The following FAM185A variants were observed in gnomAD, a reference collection of about 807,000 sequenced individuals.
FAM185A encodes the protein protein FAM185A.
In FAM185A, 21 loss-of-function variants were observed where a neutral mutation model predicts 45.7. The ratio of observed to expected loss-of-function variants is 0.46; its 90% CI spans 0.33 to 0.66. The LOEUF is 0.66. Among genes scored for constraint, FAM185A ranks in the 30% least tolerant of loss-of-function variants. FAM185A has a pLI of 0.03. For synonymous variants in FAM185A, 117 were observed against 194.0 expected (o/e 0.60, Z 3.30); for missense variants, 305 against 485.4 (o/e 0.63, Z 3.49).
Position 102,764,749 on chromosome 7 carries a change from G to A in FAM185A, c.793+3338G>A, listed in dbSNP as rs553740962. On this transcript the variant is annotated intron_variant, in intron 4 of 7. Coordinates refer to ENST00000413034, the MANE Select transcript of FAM185A (RefSeq NM_001145268.2). Reference sequence around the variant, plus strand: ...CAGAAAACAAACTGAGAATATATGCGTTCTTGGTCAGGATTTATTTACTTT... The same window carrying A: ...CAGAAAACAAACTGAGAATATATGCATTCTTGGTCAGGATTTATTTACTTT... Among the ~76,000 whole-genome samples the A allele has an allele frequency of 6.0e-4, 90 of 150,638 alleles. No homozygotes were observed. The South Asian group carries it at 0.017, about 29-fold the overall frequency.
Position 102,787,841 on chromosome 7 carries a change from T to A in FAM185A, c.1066+372T>A, listed in dbSNP as rs1489454336. Reference sequence around the variant, plus strand: ...ATCGGAATTTTGTTTGGTATGTACATTTTAAACTTGCTCTTTCAGAACAAC... The same window carrying A: ...ATCGGAATTTTGTTTGGTATGTACAATTTAAACTTGCTCTTTCAGAACAAC... On this transcript the variant is annotated intron_variant, in intron 7 of 7. Coordinates refer to ENST00000413034, the MANE Select transcript of FAM185A (RefSeq NM_001145268.2). 2.6e-5 allele frequency among the ~76,000 whole-genome samples: 4 copies of A among 152,238 alleles called. No individual in the cohort carries two copies. In the East Asian group the frequency reaches 5.8e-4, roughly 22 times the overall value.
the FAM185A span, among the ~76,000 whole-genome samples, chr7:102,848,218 T>C: frequency 6.6e-6 from 1 of 152,170 alleles, no homozygotes; most frequent in Non-Finnish European, 1.5e-5. Flanking sequence ...TTAGAAATTT[T>C]TGTCTAGCTG....
chr7:102,818,329 C>G, the FAM185A span, among the ~76,000 whole-genome samples: 1 of 152,192 alleles, frequency 6.6e-6, no homozygotes, highest in East Asian at 1.9e-4. Flanking sequence ...AAGTATGGCT[C>G]TCCTTATTTG....
At chr7:102,758,514 C>T (rs75206421) in intron 3 of FAM185A, among the ~76,000 whole-genome samples, 1 of 129,804 alleles carries the variant, frequency 7.7e-6, no homozygotes, top group Non-Finnish European at 1.6e-5. Flanking sequence ...ATTTTTTAAT[C>T]AACTCCTTTT....
chr7:102,826,999 C>T, the FAM185A span: 3 of 354,940 alleles, frequency 8.5e-6, no homozygotes, highest in South Asian at 4.0e-5. Context: ...TAAAAATGGC[C>T]ACAAATGCTT....
the FAM185A span, among the ~76,000 whole-genome samples, chr7:102,842,022 C>G: frequency 6.6e-6 from 1 of 152,162 alleles, no homozygotes; most frequent in Non-Finnish European, 1.5e-5. Context: ...AACCAGAGAC[C>G]CTCTGGAATC....
chr7:102,788,067 C>T (rs1437743944), intron 7 of FAM185A, among the ~76,000 whole-genome samples: 4 of 152,102 alleles, frequency 2.6e-5, no homozygotes, highest in African/African-American at 4.8e-5. Context: ...CGGGTTCAAA[C>T]GATTCTGTTG....
At chr7:102,777,050 A>T (rs570573577) in intron 5 of FAM185A, among the ~76,000 whole-genome samples, 19 of 152,276 alleles carry the variant, frequency 1.2e-4, no homozygotes, top group Middle Eastern at 3.4e-3. Flanking sequence ...AAAGATTTTT[A>T]AATTAGTTGT....
chr7:102,751,105 G>A (rs1175120744), intron 1 of FAM185A, among the ~76,000 whole-genome samples: 1 of 152,162 alleles, frequency 6.6e-6, no homozygotes, highest in Non-Finnish European at 1.5e-5. Context: ...TGTAGAAATG[G>A]AGTTTTGCTA....
At chr7:102,781,388 A>G (rs1795396410) in intron 6 of FAM185A, among the ~76,000 whole-genome samples, 1 of 152,242 alleles carries the variant, frequency 6.6e-6, no homozygotes, top group Admixed American at 6.5e-5. Context: ...ACCCCCGAGT[A>G]GCCTAACTGG....
chr7:102,807,642 G>T (rs1028874281), intron 7 of FAM185A, among the ~76,000 whole-genome samples: 1 of 152,084 alleles, frequency 6.6e-6, no homozygotes, highest in African/African-American at 2.4e-5. Context: ...GGTCAGGCTT[G>T]GTGGCTCATG....
chr7:102,827,536 T>G, the FAM185A span, among the ~76,000 whole-genome samples: 2 of 152,210 alleles, frequency 1.3e-5, no homozygotes, highest in Non-Finnish European at 2.9e-5. Context: ...TGATCATTTT[T>G]TTTTTATACT....
downstream of FAM185A, among the ~76,000 whole-genome samples, chr7:102,809,569 G>T (rs1255692180): frequency 1.3e-5 from 2 of 152,000 alleles, no homozygotes; most frequent in Non-Finnish European, 2.9e-5. Flanking sequence ...GGGTATGGTG[G>T]CTCATCCCTG....
intron 3 of FAM185A, among the ~76,000 whole-genome samples, chr7:102,758,737 G>A (rs563833283): frequency 6.6e-6 from 1 of 151,946 alleles, no homozygotes; most frequent in Non-Finnish European, 1.5e-5. Context: ...GGGAGGAGTT[G>A]CAAGCATATT....
At chr7:102,801,794 G>A (rs570427021) in intron 7 of FAM185A, among the ~76,000 whole-genome samples, 2 of 151,936 alleles carry the variant, frequency 1.3e-5, no homozygotes, top group East Asian at 1.9e-4. Flanking sequence ...GCGTGGTGGC[G>A]GGCACCTGTA....
chr7:102,837,704 TG>T, the FAM185A span, among the ~76,000 whole-genome samples: 1 of 152,170 alleles, frequency 6.6e-6, no homozygotes, highest in South Asian at 2.1e-4. Context: ...CTACCATGCC[TG>T]GCTCATTTTT....
intron 4 of FAM185A, among the ~76,000 whole-genome samples, chr7:102,769,649 A>G (rs80121318): frequency 0.062 from 9,475 of 152,194 alleles, 336 homozygotes; most frequent in South Asian, 0.13. Context: ...TTCTGTTGCT[A>G]TAACAGAATA....
chr7:102,841,272 C>A, the FAM185A span, among the ~76,000 whole-genome samples: 1 of 150,656 alleles, frequency 6.6e-6, no homozygotes, highest in African/African-American at 2.4e-5. Flanking sequence ...TAACTTTTGG[C>A]AAGTTTCATC....
In FAM185A at chr7:102,749,377, C is replaced by G. The variant is rs1793192567; in HGVS notation, c.170C>G (p.Pro57Arg). Residue 57 changes from proline (P) to arginine (R), a missense_variant, in exon 1 of 8, where the codon CCT becomes CGT. Physicochemically the swap from Pro to Arg is moderately radical, Grantham distance 103. This residue lies in a region of FAM185A where 174 missense variants were observed against 247.1 expected (regional missense o/e 0.70). Transcript: ENST00000413034. ...GGATCGGAGACTGAGGTCCCTCCGCCTGGCCCGGGGCGCCGAACTCTGAAG... is the reference window on the plus strand; with the variant it reads ...GGATCGGAGACTGAGGTCCCTCCGCGTGGCCCGGGGCGCCGAACTCTGAAG... ...WPGSETEVPP[P>R]GPGRRTLKEW... 6.5e-7 allele frequency: 1 copy of G among 1,548,432 alleles called. No individual in the cohort carries two copies. The highest frequency in any genetic ancestry group is 1.4e-5 in the African/African-American group (1 of 72,966).
Sources: allele counts gnomAD v4.1 joint callset (sites outside exome capture counted in the v4.1 genomes callset), GRCh38; gene constraint gnomAD v4.1.1; regional missense constraint gnomAD v4.1.1; transcripts MANE v1.5; gene names NCBI Gene and HGNC (gene_info 2026-07-23, HGNC 2026-07-21).